Variants in NPEPPS observed in about 807,000 individuals in gnomAD.
NPEPPS encodes aminopeptidase puromycin sensitive, also known as puromycin-sensitive aminopeptidase.
NPEPPS carries 14 observed loss-of-function variants against 115.5 expected under a neutral mutation model. That is an observed-to-expected ratio of 0.12 (90% CI 0.08 to 0.19). The LOEUF is 0.19. Ranked by LOEUF, NPEPPS falls within the 10% of genes least tolerant of loss-of-function variation. The pLI is 1.00. For missense variants in NPEPPS, 523 were observed against 1,110.8 expected (o/e 0.47, Z 7.52); for synonymous variants, 285 against 390.6 (o/e 0.73, Z 3.19).
chr17:47,605,577 A>G (rs1913466053), intron 17 of NPEPPS, 25 bp downstream of exon 17: 1 of 1,397,816 alleles, frequency 7.2e-7, no homozygotes, highest in East Asian at 2.4e-5. Flanking sequence ...AAATGGAGAA[A>G]GAATTACGCA....
At chr17:47,527,407 C>A (rs539419488), upstream of NPEPPS, among the ~76,000 whole-genome samples, 3 of 151,740 alleles carry the variant, frequency 2.0e-5, no homozygotes, top group East Asian at 5.9e-4. Context: ...TTGCTTGAAC[C>A]CAGGAGGTGG....
At chr17:47,566,403 CT>C (rs4060734) in intron 2 of NPEPPS, among the ~76,000 whole-genome samples, 260 of 132,470 alleles carry the variant, frequency 2.0e-3, no homozygotes, top group Middle Eastern at 3.7e-3. Flanking sequence ...TTTTTATGTG[CT>C]TTTTTTTTTT....
intron 8 of NPEPPS, chr17:47,586,719 C>A: frequency 2.0e-6 from 1 of 494,164 alleles, no homozygotes. Context: ...ATCTTCTAGC[C>A]AAGTTTTTAC....
upstream of NPEPPS, among the ~76,000 whole-genome samples, chr17:47,527,817 C>G (rs1205399006): frequency 1.3e-5 from 2 of 150,386 alleles, no homozygotes; most frequent in Non-Finnish European, 3.0e-5. Flanking sequence ...GGCATGGTGG[C>G]GGGCACCTAT....
intron 3 of NPEPPS, among the ~76,000 whole-genome samples, chr17:47,571,293 T>A (rs1283723871): frequency 6.6e-6 from 1 of 152,180 alleles, no homozygotes; most frequent in Non-Finnish European, 1.5e-5. Flanking sequence ...TTATATCTTT[T>A]GTCTGATTTT....
intron 3 of NPEPPS, among the ~76,000 whole-genome samples, chr17:47,572,808 C>G (rs1295047255): frequency 1.3e-5 from 2 of 152,198 alleles, no homozygotes; most frequent in Non-Finnish European, 2.9e-5. Context: ...CAGAATCTTG[C>G]TCTGTCACCC....
At chr17:47,574,046 GA>G (rs2143816905) in intron 3 of NPEPPS, among the ~76,000 whole-genome samples, 1 of 151,190 alleles carries the variant, frequency 6.6e-6, no homozygotes, top group Admixed American at 6.9e-5. Context: ...ACTTGTTATG[GA>G]AATTAGAAAA....
At chr17:47,555,441 G>A (rs904131559) in intron 2 of NPEPPS, among the ~76,000 whole-genome samples, 13 of 150,588 alleles carry the variant, frequency 8.6e-5, no homozygotes, top group Admixed American at 4.7e-4. Context: ...TCAGCCTCCC[G>A]GGTTCAAGTG....
intron 17 of NPEPPS, among the ~76,000 whole-genome samples, chr17:47,610,845 CTTTTTTTTTTT>C (rs59893483): frequency 0.53 from 52,619 of 99,984 alleles, 11,584 homozygotes; most frequent in East Asian, 0.62. Context: ...TATGATGACT[CTTTTTTTTTTT>C]TTTTTTTTTT....
chr17:47,614,976 T>G (rs1914097803), intron 19 of NPEPPS, among the ~76,000 whole-genome samples: 1 of 152,046 alleles, frequency 6.6e-6, no homozygotes, highest in Non-Finnish European at 1.5e-5. Flanking sequence ...AAACAAATCC[T>G]CTGAAAAATG....
intron 12 of NPEPPS, chr17:47,596,095 G>A (rs758111181): frequency 3.1e-5 from 8 of 261,368 alleles, no homozygotes; most frequent in Non-Finnish European, 5.1e-5. Flanking sequence ...CGAGGCTGCA[G>A]TGAGCTGTGA....
chr17:47,525,184 A>G (rs1907384150), intron 1 of NPEPPS, among the ~76,000 whole-genome samples: 1 of 152,126 alleles, frequency 6.6e-6, no homozygotes, highest in Admixed American at 6.6e-5. Context: ...GTTACCTTCC[A>G]TTCCTCTAGC....
chr17:47,620,021 T>A (rs1270294032), intron 22 of NPEPPS: 2 of 391,124 alleles, frequency 5.1e-6, no homozygotes, highest in Non-Finnish European at 9.4e-6. Flanking sequence ...TCACCTGAGG[T>A]CAGGACTTCA....
intron 1 of NPEPPS, among the ~76,000 whole-genome samples, chr17:47,538,689 C>T (rs1908525149): frequency 6.6e-6 from 1 of 151,842 alleles, no homozygotes; most frequent in South Asian, 2.1e-4. Flanking sequence ...GCCATCATGC[C>T]AGGCTAATTT....
At position 47,617,565 on chromosome 17, in the gene NPEPPS, G is replaced by GT. The variant is rs200529268; in HGVS notation, c.2296-782dup. Among the ~76,000 whole-genome samples the GT allele has an allele frequency of 5.6e-3, 849 of 151,700 alleles. 15 individuals carry two copies. Among genetic ancestry groups the GT allele is most frequent in the Non-Finnish European group, 3.6e-3 (244 of 67,948 alleles). ...TTTCTTCACTTAAATATAAGAACAT[G>GT]TTTATGATATATTCTTAAAATATAA... On this transcript the variant is annotated intron_variant, in intron 19 of 22. Transcript: ENST00000322157.
chr17:47,536,704 CTTTTT>C (rs572115219), intron 1 of NPEPPS, among the ~76,000 whole-genome samples: 2 of 76,844 alleles, frequency 2.6e-5, no homozygotes, highest in East Asian at 3.9e-4. Flanking sequence ...TGCCTGGCTT[CTTTTT>C]TTTTTTTTTT....
chr17:47,581,496 A>G (rs965293945), intron 4 of NPEPPS: 3 of 152,184 alleles, frequency 2.0e-5, no homozygotes, highest in African/African-American at 7.2e-5. Flanking sequence ...CTTGTTATCT[A>G]TGTCATTAAT....
At chr17:47,559,700 T>C (rs1184745100) in intron 2 of NPEPPS, 3 of 453,326 alleles carry the variant, frequency 6.6e-6, no homozygotes, top group Non-Finnish European at 1.3e-5. Context: ...AGGATATCAC[T>C]TTTTTGGTTT....
intron 2 of NPEPPS, among the ~76,000 whole-genome samples, chr17:47,555,529 T>C (rs1909944341): frequency 6.6e-6 from 1 of 151,374 alleles, no homozygotes; most frequent in African/African-American, 2.4e-5. Flanking sequence ...GTATTTTTAG[T>C]AGAGATGGAG....
Sources: gnomAD v4.1 joint callset for allele counts (sites outside exome capture counted in the v4.1 genomes callset) on GRCh38, gnomAD v4.1.1 for gene constraint, MANE v1.5 for transcripts, NCBI Gene and HGNC (gene_info 2026-07-23, HGNC 2026-07-21) for gene names.